The following DNER variants were observed in gnomAD, a reference collection of about 807,000 sequenced individuals.
DNER encodes delta/notch like EGF repeat containing.
Under a neutral mutation model 78.2 loss-of-function variants are expected in DNER, and 33 were observed. The observed-to-expected ratio is 0.42, with a 90% CI of 0.32 to 0.56. The LOEUF is 0.56. Ranked by LOEUF, DNER falls within the 20% of genes least tolerant of loss-of-function variation. The pLI is 0.11. For missense variants in DNER, 918 were observed against 975.3 expected, an observed-to-expected ratio of 0.94 and a Z score of 0.78; for synonymous variants, 417 against 384.8, an observed-to-expected ratio of 1.08 and a Z score of -0.98.
chr2:229,658,034 A>C (rs775028558), intron 1 of DNER, among the ~76,000 whole-genome samples: 1 of 152,226 alleles, frequency 6.6e-6, no homozygotes, highest in African/African-American at 2.4e-5. Flanking sequence ...TTGAATTGGA[A>C]TTGAACAGAA....
In DNER at chr2:229,714,261, T is replaced by C; in HGVS notation, c.163A>G (p.Asn55Asp). The C allele has an allele frequency of 7.1e-7, 1 of 1,406,130 alleles. No homozygotes were observed. The highest frequency in any genetic ancestry group is 9.2e-7 in the Non-Finnish European group (1 of 1,081,622). The allele number at this position is 1,406,130 out of a possible 1,614,324, so 87.1% of individuals were successfully genotyped here. ...PGPCAAQPCR[N>D]GGVCTSRPEP... Reference sequence around the variant, plus strand: ...GGGCGCGAGGTGCACACACCCCCATTCCGGCAGGGCTGCGCGGCGCACGGC... The same window carrying C: ...GGGCGCGAGGTGCACACACCCCCATCCCGGCAGGGCTGCGCGGCGCACGGC... Residue 55 changes from asparagine to aspartate, a missense_variant, in exon 1 of 13, where the codon AAT becomes GAT. Physicochemically the swap from Asn to Asp is conservative, Grantham distance 23. Transcript: ENST00000341772.
intron 10 of DNER, among the ~76,000 whole-genome samples, chr2:229,405,362 T>C (rs1230167767): frequency 2.6e-5 from 4 of 152,194 alleles, no homozygotes; most frequent in East Asian, 3.8e-4. Context: ...TGTCGAAATA[T>C]GTATGTATTC....
chr2:229,491,950 TACAC>T (rs58442076), intron 6 of DNER, among the ~76,000 whole-genome samples: 1,622 of 149,356 alleles, frequency 0.011, 9 homozygotes, highest in African/African-American at 0.019. Context: ...TTGCCATGAT[TACAC>T]ACACACACAC....
intron 1 of DNER, among the ~76,000 whole-genome samples, chr2:229,665,466 A>C (rs1187445298): frequency 6.6e-6 from 1 of 152,140 alleles, no homozygotes; most frequent in Non-Finnish European, 1.5e-5. Context: ...CAGTCTAATA[A>C]CTCTAACAAT....
At chr2:229,586,150 G>A in intron 3 of DNER, 126 bp from the exon 4 acceptor site, 1 of 1,177,338 alleles carries the variant, frequency 8.5e-7, no homozygotes, top group Non-Finnish European at 1.2e-6. Flanking sequence ...GAGATCGATG[G>A]CATAAACAGA....
At chr2:229,662,539 T>C (rs75285370) in intron 1 of DNER, among the ~76,000 whole-genome samples, 4,022 of 152,272 alleles carry the variant, frequency 0.026, 81 homozygotes, top group Middle Eastern at 0.054. Context: ...AACCAGGGGT[T>C]CTGGGTCCAA....
intron 1 of DNER, among the ~76,000 whole-genome samples, chr2:229,647,963 C>T (rs560669771): frequency 4.6e-5 from 7 of 152,100 alleles, no homozygotes; most frequent in African/African-American, 1.4e-4. Context: ...AGGTTCTAAC[C>T]GTTCCACAAA....
chr2:229,697,311 C>T (rs1300999121), intron 1 of DNER, among the ~76,000 whole-genome samples: 1 of 152,144 alleles, frequency 6.6e-6, no homozygotes, highest in African/African-American at 2.4e-5. Flanking sequence ...TCCATGGAGA[C>T]AGAATGCAGA....
At chr2:229,486,894 C>CT (rs1339990189) in intron 6 of DNER, among the ~76,000 whole-genome samples, 1 of 152,112 alleles carries the variant, frequency 6.6e-6, no homozygotes, top group Non-Finnish European at 1.5e-5. Context: ...AGGAGAAACT[C>CT]TGGGGGTGGG....
rs541695740 is a variant in DNER, at chr2:229,457,339, G to A, written c.1262-9799C>T. On this transcript the variant is annotated intron_variant, in intron 7 of 12. Coordinates refer to ENST00000341772, the MANE Select transcript of DNER (RefSeq NM_139072.4). ...GAACATTGAATTATGATGTTGTAAC[G>A]TACATAGAAGGAATATACATAACAA... 9.2e-5 allele frequency among the ~76,000 whole-genome samples: 14 copies of A among 151,946 alleles called. 1 individual carries two copies. The highest frequency in any genetic ancestry group is 2.4e-4 in the African/African-American group (10 of 41,302).
chr2:229,503,866 T>C (rs895989296), intron 6 of DNER, among the ~76,000 whole-genome samples: 4 of 151,590 alleles, frequency 2.6e-5, no homozygotes, highest in African/African-American at 9.7e-5. Flanking sequence ...TTCAGCCTCC[T>C]GAGTAGCTGG....
intron 11 of DNER, among the ~76,000 whole-genome samples, chr2:229,376,523 G>A (rs558431511): frequency 6.6e-6 from 1 of 152,088 alleles, no homozygotes; most frequent in Admixed American, 6.6e-5. Context: ...GCTTTAAATA[G>A]CAAAACCCCT....
chr2:229,629,299 A>G (rs559928298), intron 1 of DNER, among the ~76,000 whole-genome samples: 9 of 152,324 alleles, frequency 5.9e-5, no homozygotes, highest in African/African-American at 2.2e-4. Flanking sequence ...ATATTCTAGT[A>G]AGGAGGAATT....
At chr2:229,450,422 T>C (rs571022546) in intron 7 of DNER, among the ~76,000 whole-genome samples, 5 of 152,178 alleles carry the variant, frequency 3.3e-5, no homozygotes, top group African/African-American at 9.7e-5. Flanking sequence ...TGGAGGTTGA[T>C]AGTTAAGCAT....
intron 1 of DNER, among the ~76,000 whole-genome samples, chr2:229,600,199 G>GT (rs199691461): frequency 6.6e-6 from 1 of 152,126 alleles, no homozygotes; most frequent in Non-Finnish European, 1.5e-5. Context: ...AATCTGGTTT[G>GT]TTTTTTGTAA....
intron 4 of DNER, among the ~76,000 whole-genome samples, chr2:229,562,474 G>A (rs1013654351): frequency 6.6e-6 from 1 of 152,108 alleles, no homozygotes; most frequent in Non-Finnish European, 1.5e-5. Flanking sequence ...TCTATAATTC[G>A]ATTTTTAACA....
chr2:229,699,506 T>C (rs1342636356), intron 1 of DNER, among the ~76,000 whole-genome samples: 5 of 152,052 alleles, frequency 3.3e-5, no homozygotes, highest in African/African-American at 1.2e-4. Context: ...GCTGGGACTA[T>C]ACGCATGCAC....
intron 5 of DNER, among the ~76,000 whole-genome samples, chr2:229,535,692 G>A (rs1408297102): frequency 3.3e-5 from 5 of 152,090 alleles, no homozygotes; most frequent in Non-Finnish European, 5.9e-5. Flanking sequence ...TGCCAAGGCT[G>A]GAGTACAGTG....
intron 9 of DNER, among the ~76,000 whole-genome samples, chr2:229,415,762 C>A (rs1693637572): frequency 6.6e-6 from 1 of 152,056 alleles, no homozygotes; most frequent in African/African-American, 2.4e-5. Flanking sequence ...CTTTCTTTTG[C>A]CCTCAAATAT....
Sources: allele counts gnomAD v4.1 joint callset (sites outside exome capture counted in the v4.1 genomes callset), GRCh38; gene constraint gnomAD v4.1.1; transcripts MANE v1.5; gene names NCBI Gene and HGNC (gene_info 2026-07-23, HGNC 2026-07-21).